Variants in ANK3 observed in about 807,000 individuals in gnomAD.
ANK3 encodes the protein ankyrin-3.
A neutral mutation model predicts 370.9 loss-of-function variants in ANK3; 57 were observed. That is an observed-to-expected ratio of 0.15 (90% CI 0.12 to 0.19). The LOEUF is 0.19. Among genes scored for constraint, ANK3 ranks in the 10% least tolerant of loss-of-function variants. ANK3 has a pLI of 1.00. For missense variants in ANK3, 4,439 were observed against 5,302.1 expected (o/e 0.84, Z 5.06); for synonymous variants, 1,929 against 1,946.3 (o/e 0.99, Z 0.23).
rs748492773 is a variant in ANK3 at position 60,114,238 on chromosome 10, G to A, written c.2935C>T (p.Pro979Ser). Residue 979 changes from proline (P) to serine (S), a missense_variant, in exon 26 of 44, where the codon CCC becomes TCC. Around this residue, in one of 13 missense-constraint regions of ANK3, gnomAD observed 702 missense variants for 941.5 expected, o/e 0.75. Coordinates refer to ENST00000280772, the MANE Select transcript of ANK3 (RefSeq NM_020987.5). Reference protein sequence around the residue: ...TLDNVNLVSSPIHSGFLVSFM... With the variant: ...TLDNVNLVSSSIHSGFLVSFM... Reference sequence around the variant, plus strand: ...TAGGTTACTTACCCAGAATGAATGGGGCTTGAAACAAGATTGACATTGTCT... The same window carrying A: ...TAGGTTACTTACCCAGAATGAATGGAGCTTGAAACAAGATTGACATTGTCT... 6.2e-7 allele frequency: 1 copy of A among 1,601,096 alleles called. No homozygotes were observed. Among genetic ancestry groups the A allele is most frequent in the African/African-American group, 1.3e-5 (1 of 74,324 alleles).
chr10:60,542,839 T>A (rs898212849), intron 2 of ANK3, among the ~76,000 whole-genome samples: 1 of 151,916 alleles, frequency 6.6e-6, no homozygotes, highest in African/African-American at 2.4e-5. Context: ...GTTTGAACCA[T>A]TACGTTTTCT....
intron 2 of ANK3, among the ~76,000 whole-genome samples, chr10:60,486,058 T>C (rs1031082296): frequency 1.3e-5 from 2 of 152,078 alleles, no homozygotes; most frequent in Admixed American, 1.3e-4. Context: ...TGGAACGTCA[T>C]GTTTCATAGG....
intron 1 of ANK3, among the ~76,000 whole-genome samples, chr10:60,374,872 T>C (rs1322504308): frequency 6.6e-6 from 1 of 152,210 alleles, no homozygotes; most frequent in African/African-American, 2.4e-5. Context: ...AATATATTTA[T>C]TGAAGTGGAC....
chr10:60,624,532 G>A (rs1014279497), intron 1 of ANK3, among the ~76,000 whole-genome samples: 6 of 152,036 alleles, frequency 3.9e-5, no homozygotes, highest in African/African-American at 1.4e-4. Context: ...CTTATAAACT[G>A]GAACTGTGAA....
chr10:60,138,949 G>C lies in ANK3; in HGVS notation c.2738+15C>G. 2 of 1,611,660 alleles carry C rather than the reference G, an allele frequency of 1.2e-6. No homozygotes were observed. The highest frequency in any genetic ancestry group is 1.7e-6 in the Non-Finnish European group (2 of 1,179,250). ...TGTTTTAAATTAACTATGAAAGACA[G>C]CAACAACGAAGTACCTGGCAGAACG... is the stretch of plus-strand genomic sequence containing the variant. On this transcript the variant is annotated intron_variant, in intron 24 of 43. Transcript: ENST00000280772.
At chr10:60,640,184 T>C (rs937906453) in intron 1 of ANK3, among the ~76,000 whole-genome samples, 1 of 151,574 alleles carries the variant, frequency 6.6e-6, no homozygotes, top group Non-Finnish European at 1.5e-5. Flanking sequence ...ACCAGATGGA[T>C]TCACAGCTGA....
At position 60,082,622 on chromosome 10, in the gene ANK3, T is replaced by C; in HGVS notation, c.4316A>G (p.His1439Arg). 6.2e-7 allele frequency: 1 copy of C among 1,613,720 alleles called. No homozygotes were observed. The highest frequency in any genetic ancestry group is 8.5e-7 in the Non-Finnish European group (1 of 1,179,844). ...VCNLNITLPA[H>R]KKETESDQDD... is the part of the protein sequence containing the mutation. The stretch of plus-strand genomic sequence containing the variant: ...AGCAGTATTAAAAGATACCTTTTTA[T>C]GTGCTGGCAGAGTGATATTTAAGTT... The change falls in exon 34 of 44, where the codon CAT becomes CGT. Residue 1439 changes from histidine to arginine, a missense_variant. Around this residue, in one of 13 missense-constraint regions of ANK3, gnomAD observed 702 missense variants for 941.5 expected, o/e 0.75. Coordinates refer to ENST00000280772, the MANE Select transcript of ANK3 (RefSeq NM_020987.5).
At chr10:60,435,744 T>C (rs1387979416) in intron 2 of ANK3, among the ~76,000 whole-genome samples, 2 of 152,250 alleles carry the variant, frequency 1.3e-5, no homozygotes, top group African/African-American at 4.8e-5. Flanking sequence ...GGACATTTCA[T>C]ATAAATGTGA....
At position 60,027,509 on chromosome 10, in the gene ANK3, T is replaced by A. The variant is rs2072464338; in HGVS notation, c.*2337A>T. ...CAACTCACTCCATTTGGCAACAATC[T>A]TTAATGGACAGGCAATATATAACAT... On this transcript the variant is annotated 3_prime_UTR_variant, in exon 44 of 44. Coordinates refer to ENST00000280772, the MANE Select transcript of ANK3 (RefSeq NM_020987.5). 6.6e-6 allele frequency: 1 copy of A among 152,136 alleles called. No individual in the cohort carries two copies. Among genetic ancestry groups the A allele is most frequent in the African/African-American group, 2.4e-5 (1 of 41,430 alleles). 9.4% of individuals were successfully genotyped at this position (152,136 alleles called of 1,614,324 possible).
chr10:60,582,430 A>G (rs1246321053), intron 2 of ANK3, among the ~76,000 whole-genome samples: 1 of 151,998 alleles, frequency 6.6e-6, no homozygotes, highest in Non-Finnish European at 1.5e-5. Flanking sequence ...TCTGAAACTC[A>G]ATGATGCCCT....
chr10:60,240,377 T>C (rs2097434734), intron 7 of ANK3, among the ~76,000 whole-genome samples: 1 of 150,550 alleles, frequency 6.6e-6, no homozygotes, highest in African/African-American at 2.4e-5. Context: ...TGATTTCGGC[T>C]CACCACAACC....
intron 16 of ANK3, among the ~76,000 whole-genome samples, chr10:60,193,376 G>A (rs1034779618): frequency 4.6e-5 from 7 of 152,304 alleles, no homozygotes; most frequent in African/African-American, 7.2e-5. Context: ...TTATTTGTGC[G>A]CCTAGCACAG....
intron 43 of ANK3, among the ~76,000 whole-genome samples, chr10:60,036,235 C>T (rs914994011): frequency 6.6e-6 from 1 of 152,124 alleles, no homozygotes; most frequent in Non-Finnish European, 1.5e-5. Context: ...GCTGTTCTCA[C>T]TTCTCCCACT....
chr10:60,709,275 A>ATATATC (rs60343604), intron 1 of ANK3, among the ~76,000 whole-genome samples: 5,151 of 143,568 alleles, frequency 0.036, 101 homozygotes, highest in African/African-American at 0.048. Context: ...AACCAATAGG[A>ATATATC]TATATCTATA....
rs191793673 is a variant in ANK3 at position 60,569,988 on chromosome 10, G to A, written c.96+45198C>T. On this transcript the variant is annotated intron_variant, in intron 2 of 43. Transcript: ENST00000373827. ...ATCTGGAGCACCCAGAAAACTTATGGAATATTTGCTTCAGAATAAAAAGGT... is the reference window on the plus strand; with the variant it reads ...ATCTGGAGCACCCAGAAAACTTATGAAATATTTGCTTCAGAATAAAAAGGT... Among the ~76,000 whole-genome samples, 598 of 152,104 alleles carry A rather than the reference G, an allele frequency of 3.9e-3. 7 individuals are homozygous for A. Among genetic ancestry groups the A allele is most frequent in the African/African-American group, 0.014 (572 of 41,470 alleles).
chr10:60,304,028 CA>C (rs2044410770), intron 1 of ANK3, among the ~76,000 whole-genome samples: 1 of 151,922 alleles, frequency 6.6e-6, no homozygotes, highest in African/African-American at 2.4e-5. Context: ...AAAAACATTG[CA>C]TGATCCCATT....
At chr10:60,295,259 A>G (rs1310482073) in intron 1 of ANK3, among the ~76,000 whole-genome samples, 2 of 152,186 alleles carry the variant, frequency 1.3e-5, no homozygotes, top group Non-Finnish European at 2.9e-5. Flanking sequence ...TGACTCTGCA[A>G]TTCACAAAGG....
intron 2 of ANK3, among the ~76,000 whole-genome samples, chr10:60,574,881 G>A (rs2077664283): frequency 6.6e-6 from 1 of 152,086 alleles, no homozygotes; most frequent in Admixed American, 6.5e-5. Context: ...CCAAGCAGTA[G>A]GATTTACCTC....
chr10:60,376,371 G>A (rs1392278659), intron 1 of ANK3, among the ~76,000 whole-genome samples: 1 of 152,174 alleles, frequency 6.6e-6, no homozygotes, highest in Admixed American at 6.5e-5. Context: ...CTCCTTTCCT[G>A]TGCCACAACA....
Sources: gnomAD v4.1 joint callset for allele counts (sites outside exome capture counted in the v4.1 genomes callset) on GRCh38, gnomAD v4.1.1 for gene constraint, gnomAD v4.1.1 regional missense constraint, MANE v1.5 for transcripts, NCBI Gene and HGNC (gene_info 2026-07-23, HGNC 2026-07-21) for gene names.